SMC5: variants seen among roughly 807,000 people sequenced by gnomAD.
The protein encoded by SMC5 is structural maintenance of chromosomes 5.
In SMC5, 88 loss-of-function variants were observed where a neutral mutation model predicts 148.3. The ratio of observed to expected loss-of-function variants is 0.59; its 90% CI spans 0.50 to 0.71. SMC5 has a LOEUF of 0.71. SMC5 is among the 30% of genes least tolerant of loss of function. SMC5 has a pLI of 0.00. For missense variants in SMC5, 1,142 were observed against 1,298.9 expected (o/e 0.88, Z 1.86); for synonymous variants, 421 against 432.8 (o/e 0.97, Z 0.34).
At chr9:70,267,901 C>T in intron 2 of SMC5, 22 bp from the exon 3 acceptor site, 1 of 1,601,494 alleles carries the variant, frequency 6.2e-7, no homozygotes, top group African/African-American at 1.3e-5. Flanking sequence ...ACACAGCTCA[C>T]TTTTTCTTTT....
At chr9:70,278,735 T>A (rs1360176400) in intron 5 of SMC5, 110 bp downstream of exon 5, 7 of 1,101,562 alleles carry the variant, frequency 6.4e-6, no homozygotes, top group Non-Finnish European at 8.8e-6. Context: ...GTATTTGTGA[T>A]TTTTTTTCAC....
chr9:70,318,024 C>T (rs1044781488), intron 13 of SMC5, among the ~76,000 whole-genome samples: 1 of 151,950 alleles, frequency 6.6e-6, no homozygotes, highest in Non-Finnish European at 1.5e-5. Flanking sequence ...TGTATAGTAG[C>T]GTAGAAGTAT....
At chr9:70,303,247 A>C (rs74913274) in intron 10 of SMC5, among the ~76,000 whole-genome samples, 2,272 of 151,920 alleles carry the variant, frequency 0.015, 46 homozygotes, top group African/African-American at 0.051. Flanking sequence ...AAAAAAAAAA[A>C]CAATACAGTC....
intron 17 of SMC5, among the ~76,000 whole-genome samples, chr9:70,335,445 T>G (rs1201328362): frequency 6.6e-6 from 1 of 152,110 alleles, no homozygotes; most frequent in Non-Finnish European, 1.5e-5. Context: ...AGTGATCATG[T>G]CACTGCGCTA....
intron 15 of SMC5, among the ~76,000 whole-genome samples, chr9:70,322,257 C>G (rs1482448342): frequency 6.6e-6 from 1 of 152,168 alleles, no homozygotes; most frequent in Non-Finnish European, 1.5e-5. Flanking sequence ...TCCTTCATTC[C>G]TATTCAATCT....
intron 16 of SMC5, 85 bp from the exon 17 acceptor site, chr9:70,323,936 T>C: frequency 8.1e-7 from 1 of 1,231,898 alleles, no homozygotes; most frequent in East Asian, 2.6e-5. Flanking sequence ...TCATGGTTTA[T>C]AATTTTGTTT....
At chr9:70,295,466 G>T in intron 8 of SMC5, among the ~76,000 whole-genome samples, 1 of 127,898 alleles carries the variant, frequency 7.8e-6, no homozygotes, top group Admixed American at 8.1e-5. Flanking sequence ...GCGAGACCCT[G>T]TCTCAAAAAA....
intron 9 of SMC5, among the ~76,000 whole-genome samples, chr9:70,299,155 C>T (rs992741202): frequency 6.6e-6 from 1 of 151,664 alleles, no homozygotes; most frequent in Non-Finnish European, 1.5e-5. Flanking sequence ...ATTTATACTC[C>T]GGTTTTTATA....
chr9:70,298,266 A>G (rs368321452), intron 9 of SMC5, 45 bp downstream of exon 9: 13 of 1,553,392 alleles, frequency 8.4e-6, no homozygotes, highest in Non-Finnish European at 1.0e-5. Flanking sequence ...AAATGTAGAT[A>G]CATCTCTGTT....
In SMC5 at chr9:70,351,226, C is replaced by T. The variant is rs548273365; in HGVS notation, c.3165+755C>T. 7.9e-5 allele frequency among the ~76,000 whole-genome samples: 12 copies of T among 152,044 alleles called. No homozygotes were observed. In the South Asian group the frequency reaches 1.5e-3, roughly 19 times the overall value. ...AAAATTAGCTGGACGTGGCAGCATG[C>T]GCCTATAGTCCCAGCTACTTGGGAA... On this transcript the variant is annotated intron_variant, in intron 24 of 24. Coordinates refer to ENST00000361138, the MANE Select transcript of SMC5 (RefSeq NM_015110.4).
chr9:70,283,397 G>A (rs554218526), intron 7 of SMC5, among the ~76,000 whole-genome samples: 1 of 152,260 alleles, frequency 6.6e-6, no homozygotes, highest in East Asian at 1.9e-4. Flanking sequence ...CGCCTACGAG[G>A]CAGAGGTTGC....
intron 17 of SMC5, among the ~76,000 whole-genome samples, chr9:70,343,672 C>T (rs1240188734): frequency 1.3e-5 from 2 of 151,912 alleles, no homozygotes; most frequent in African/African-American, 4.8e-5. Context: ...AAAAATTAGC[C>T]AGGCATGGTG....
intron 12 of SMC5, among the ~76,000 whole-genome samples, chr9:70,315,059 A>G (rs2035759321): frequency 3.9e-5 from 6 of 152,150 alleles, no homozygotes; most frequent in Non-Finnish European, 1.5e-5. Flanking sequence ...TTAATAAAAG[A>G]TGCTAAAGTA....
At chr9:70,315,308 T>TAAAAA (rs35901017) in intron 12 of SMC5, 138 bp from the exon 13 acceptor site, 25 of 466,360 alleles carry the variant, frequency 5.4e-5, no homozygotes, top group South Asian at 1.3e-4. Flanking sequence ...TTTTAAAATA[T>TAAAAA]AAAAGAAAAA....
At chr9:70,276,357 G>A (rs2034591654) in intron 3 of SMC5, among the ~76,000 whole-genome samples, 2 of 151,974 alleles carry the variant, frequency 1.3e-5, no homozygotes, top group African/African-American at 4.8e-5. Flanking sequence ...TTCCACTCTG[G>A]GTTTTCACCT....
rs147023168 is a variant in SMC5, at chr9:70,259,267, A to C, written c.185+4A>C. The C allele has an allele frequency of 1.3e-3, 1,963 of 1,569,694 alleles. 19 individuals carry two copies. The highest frequency in any genetic ancestry group is 0.012 in the East Asian group (496 of 42,472). ...GCATCTCGATGGAGAACTTCCTGTA[A>C]GTTGCCCGGAGGCCGCGCCGCGGGT... On this transcript the variant is annotated splice_donor_region_variant and intron_variant, in intron 1 of 24. Coordinates refer to ENST00000361138, the MANE Select transcript of SMC5 (RefSeq NM_015110.4).
At chr9:70,296,528 G>C (rs2035205677) in intron 8 of SMC5, among the ~76,000 whole-genome samples, 1 of 151,246 alleles carries the variant, frequency 6.6e-6, no homozygotes, top group African/African-American at 2.4e-5. Context: ...ACTCCAGCCT[G>C]GGCAACAGAG....
intron 15 of SMC5, among the ~76,000 whole-genome samples, chr9:70,321,497 A>G (rs1348269092): frequency 1.3e-5 from 2 of 151,288 alleles, no homozygotes; most frequent in East Asian, 1.9e-4. Context: ...GGCTCAAGCA[A>G]TCCTCACGCC....
At chr9:70,328,349 G>T (rs1475171297) in intron 17 of SMC5, among the ~76,000 whole-genome samples, 2 of 152,154 alleles carry the variant, frequency 1.3e-5, no homozygotes, top group Admixed American at 6.5e-5. Context: ...AAACAAGCTA[G>T]TTACTTCCAA....
Sources: gnomAD v4.1 joint callset for allele counts (sites outside exome capture counted in the v4.1 genomes callset) on GRCh38, gnomAD v4.1.1 for gene constraint, MANE v1.5 for transcripts, NCBI Gene and HGNC (gene_info 2026-07-23, HGNC 2026-07-21) for gene names.